GLIPR2: variants seen among roughly 807,000 people sequenced by gnomAD.
The protein encoded by GLIPR2 is Golgi-associated plant pathogenesis-related protein 1.
In GLIPR2, 21 loss-of-function variants were observed where a neutral mutation model predicts 20.4. The ratio of observed to expected loss-of-function variants is 1.03; its 90% confidence interval spans 0.73 to 1.48. The LOEUF (loss-of-function observed/expected upper bound fraction) is 1.48. GLIPR2 is among the 40% of genes most tolerant of loss of function. GLIPR2 has a pLI of 0.00. For missense variants in GLIPR2, 205 were observed against 200.1 expected (o/e 1.02, Z -0.15); for synonymous variants, 91 against 80.5 (o/e 1.13, Z -0.70).
rs1317903235 is a variant in GLIPR2 at position 36,136,893 on chromosome 9, G to A, written c.13+102G>A. On this transcript the variant is annotated intron_variant, in intron 1 of 4. Transcript: ENST00000377960. The surrounding 1 kb of genome is among the most constrained non-coding windows in gnomAD (Gnocchi z 4.3). Reference sequence around the variant, plus strand: ...CGCAAGCCAGGTCCTGGGGAGTGCGGGAGCCCGGGGTGCGGGTGGAGGGCG... The same window carrying A: ...CGCAAGCCAGGTCCTGGGGAGTGCGAGAGCCCGGGGTGCGGGTGGAGGGCG... 1.7e-6 allele frequency: 2 copies of A among 1,206,776 alleles called. No individual in the cohort carries two copies. Among genetic ancestry groups the A allele is most frequent in the Non-Finnish European group, 2.1e-6 (2 of 964,886 alleles). The allele number at this position is 1,206,776 out of a possible 1,614,324, so 74.8% of individuals were successfully genotyped here.
At chr9:36,137,009 C>T (rs1824852415) in intron 1 of GLIPR2, 1 of 462,930 alleles carries the variant, frequency 2.2e-6, no homozygotes, top group Non-Finnish European at 3.5e-6. Flanking sequence ...GGGATCGCGC[C>T]AAGTTGGGCT....
intron 3 of GLIPR2, 49 bp downstream of exon 3, chr9:36,148,699 G>A: frequency 7.7e-7 from 1 of 1,300,108 alleles, no homozygotes; most frequent in Non-Finnish European, 1.1e-6. Context: ...CTGGAAGAAG[G>A]ACAAGTCCTC....
At chr9:36,141,407 C>A (rs1825071794) in intron 1 of GLIPR2, among the ~76,000 whole-genome samples, 1 of 151,716 alleles carries the variant, frequency 6.6e-6, no homozygotes, top group Non-Finnish European at 1.5e-5. Context: ...ACAAGCAAAA[C>A]CAGCTTTGCC....
At chr9:36,157,739 T>C (rs1015339165) in intron 4 of GLIPR2, among the ~76,000 whole-genome samples, 1 of 151,896 alleles carries the variant, frequency 6.6e-6, no homozygotes, top group African/African-American at 2.4e-5. Flanking sequence ...TATATACATA[T>C]ATATCTCCCA....
At chr9:36,147,568 C>A (rs1185268822) in intron 1 of GLIPR2, among the ~76,000 whole-genome samples, 2 of 152,330 alleles carry the variant, frequency 1.3e-5, no homozygotes, top group South Asian at 2.1e-4. Flanking sequence ...ACATGATCCA[C>A]GGGCTTTAGA....
At chr9:36,159,690 G>C (rs1299029601) in intron 4 of GLIPR2, among the ~76,000 whole-genome samples, 1 of 152,170 alleles carries the variant, frequency 6.6e-6, no homozygotes, top group Non-Finnish European at 1.5e-5. Context: ...TTACAGGCTG[G>C]GCATGGTGGC....
intron 1 of GLIPR2, chr9:36,141,702 G>A: frequency 5.1e-6 from 2 of 394,656 alleles, no homozygotes; most frequent in Non-Finnish European, 9.8e-6. Flanking sequence ...CACGCAGGCT[G>A]GAGTGCAGTG....
chr9:36,139,094 G>A (rs539628132), intron 1 of GLIPR2, among the ~76,000 whole-genome samples: 3 of 152,278 alleles, frequency 2.0e-5, no homozygotes, highest in Admixed American at 2.0e-4. Flanking sequence ...GGATGGGATG[G>A]ATTTGTGAGA....
intron 4 of GLIPR2, among the ~76,000 whole-genome samples, chr9:36,151,557 C>T (rs1176168838): frequency 2.0e-5 from 3 of 152,188 alleles, no homozygotes; most frequent in Non-Finnish European, 4.4e-5. Flanking sequence ...AGCTCTGGCA[C>T]CCTTTGCTGT....
At chr9:36,149,276 C>G (rs968757751) in intron 3 of GLIPR2, among the ~76,000 whole-genome samples, 23 of 152,352 alleles carry the variant, frequency 1.5e-4, no homozygotes, top group African/African-American at 5.5e-4. Flanking sequence ...TATTGGAGAG[C>G]TGTCTGGATC....
At chr9:36,154,492 T>C (rs1825744424) in intron 4 of GLIPR2, among the ~76,000 whole-genome samples, 1 of 152,206 alleles carries the variant, frequency 6.6e-6, no homozygotes, top group South Asian at 2.1e-4. Flanking sequence ...CGCTCATTCT[T>C]TCTTACCTCT....
intron 1 of GLIPR2, 36 bp from the exon 2 acceptor site, chr9:36,147,750 T>A: frequency 1.1e-6 from 1 of 926,380 alleles, no homozygotes; most frequent in Non-Finnish European, 1.8e-6. Context: ...GTGTTTTCTC[T>A]GCACTGAGCC....
At position 36,136,938 on chromosome 9, in the gene GLIPR2, C is replaced by A. The variant is rs1244591461; in HGVS notation, c.13+147C>A. 3.0e-6 allele frequency: 3 copies of A among 995,180 alleles called. No homozygotes were observed. Among genetic ancestry groups the A allele is most frequent in the Non-Finnish European group, 3.9e-6 (3 of 773,052 alleles). 61.6% of individuals were successfully genotyped at this position (995,180 alleles called of 1,614,324 possible). Reference sequence around the variant, plus strand: ...AGGGCGCGCGGGCGGAGCGCCCCGGCGCGGTTTCCGGGGAACCCGGGGGGA... The same window carrying A: ...AGGGCGCGCGGGCGGAGCGCCCCGGAGCGGTTTCCGGGGAACCCGGGGGGA... On this transcript the variant is annotated intron_variant, in intron 1 of 4. Coordinates refer to ENST00000377960, the MANE Select transcript of GLIPR2 (RefSeq NM_022343.4). This position sits in a 1 kb window ranked among gnomAD's most constrained non-coding sequence, Gnocchi z 4.3.
At chr9:36,162,317 T>TG in intron 4 of GLIPR2, 45 bp from the exon 5 acceptor site, 1 of 1,600,744 alleles carries the variant, frequency 6.2e-7, no homozygotes, top group Non-Finnish European at 8.5e-7. Flanking sequence ...CTTCAGGCTC[T>TG]GCTAATTCAG....
chr9:36,144,635 C>T (rs41277091), intron 1 of GLIPR2: 13,740 of 152,538 alleles, frequency 0.09, 794 homozygotes, highest in South Asian at 0.22. Context: ...CTCACAAATC[C>T]TGGGGTTCAG....
chr9:36,161,047 AAAAAG>A (rs1327310445), intron 4 of GLIPR2, among the ~76,000 whole-genome samples: 3 of 152,166 alleles, frequency 2.0e-5, no homozygotes, highest in African/African-American at 2.4e-5. Flanking sequence ...GTCTCAAAAA[AAAAAG>A]AAAAGAAAAA....
chr9:36,153,412 G>A (rs1394084987), intron 4 of GLIPR2, among the ~76,000 whole-genome samples: 1 of 152,198 alleles, frequency 6.6e-6, no homozygotes, highest in African/African-American at 2.4e-5. Context: ...GCAGTGCCTG[G>A]GGGCAGCCAG....
intron 1 of GLIPR2, among the ~76,000 whole-genome samples, chr9:36,137,848 C>T (rs1314562549): frequency 6.6e-6 from 1 of 152,262 alleles, no homozygotes; most frequent in Non-Finnish European, 1.5e-5. Flanking sequence ...CCTCCAAGAT[C>T]TGGACTCAGG....
intron 1 of GLIPR2, chr9:36,144,746 T>C (rs940120578): frequency 1.3e-5 from 2 of 152,434 alleles, no homozygotes; most frequent in African/African-American, 4.8e-5. Context: ...ACTCTTTGTC[T>C]AAGCGTCTAC....
Sources: gnomAD v4.1 joint callset for allele counts (sites outside exome capture counted in the v4.1 genomes callset) on GRCh38, gnomAD v4.1.1 for gene constraint, Gnocchi (gnomAD v3.1) non-coding constraint, MANE v1.5 for transcripts, NCBI Gene and HGNC (gene_info 2026-07-23, HGNC 2026-07-21) for gene names.